The following CCDC191 variants were observed in gnomAD, a reference collection of about 807,000 sequenced individuals.
The protein encoded by CCDC191 is coiled-coil domain containing 191, also known as coiled-coil domain-containing protein 191.
CCDC191 carries 99 observed loss-of-function variants against 114.0 expected under a neutral mutation model. The observed-to-expected ratio is 0.87, with a 90% confidence interval of 0.74 to 1.03. The LOEUF (loss-of-function observed/expected upper bound fraction) is 1.03, where lower values mean the gene tolerates loss of function less well. Among genes scored for constraint, CCDC191 ranks in the 50% least tolerant of loss-of-function variants. The pLI is 0.00. For synonymous variants in CCDC191, 351 were observed against 376.0 expected (o/e 0.93, Z 0.77); for missense variants, 973 against 1,087.0 (o/e 0.90, Z 1.47).
At chr3:114,033,116 T>C (rs1234820459) in intron 6 of CCDC191, among the ~76,000 whole-genome samples, 2 of 151,742 alleles carry the variant, frequency 1.3e-5, no homozygotes. Context: ...CTGTTTGCGA[T>C]GGAGTCTCAC....
chr3:114,029,952 T>C (rs916451988), intron 7 of CCDC191, among the ~76,000 whole-genome samples: 4 of 152,198 alleles, frequency 2.6e-5, no homozygotes, highest in Non-Finnish European at 4.4e-5. Flanking sequence ...TGTGAAATTA[T>C]GGATTGAGTC....
intron 13 of CCDC191, among the ~76,000 whole-genome samples, chr3:113,987,096 AAAC>A (rs2075387526): frequency 6.6e-6 from 1 of 151,064 alleles, no homozygotes; most frequent in Non-Finnish European, 1.5e-5. Flanking sequence ...GCAAGCAAGA[AAAC>A]AATAGAGTAA....
At chr3:113,998,449 A>G (rs890457098) in intron 13 of CCDC191, among the ~76,000 whole-genome samples, 1 of 152,198 alleles carries the variant, frequency 6.6e-6, no homozygotes, top group Non-Finnish European at 1.5e-5. Flanking sequence ...TCAGTGGAAC[A>G]AACTGTGGAG....
chr3:114,005,686 C>G lies in CCDC191; in HGVS notation c.1690G>C (p.Glu564Gln). Residue 564 changes from glutamate (E) to glutamine (Q), a missense_variant, in exon 10 of 17, where the codon GAG becomes CAG. Glu to Gln is a conservative substitution (Grantham distance 29). Transcript: ENST00000295878. ...TCCTGAAGTTTCTTCTTTTGCTTCT[C>G]AATCAGCTGTTGCTGGAAGACATGG... ...NRHVFQQQLI[E>Q]KQKKKLQEQQ... The G allele has an allele frequency of 2.5e-6, 4 of 1,614,132 alleles. No homozygotes were observed. The highest frequency in any genetic ancestry group is 3.4e-6 in the Non-Finnish European group (4 of 1,180,002).
intron 8 of CCDC191, 85 bp from the exon 9 acceptor site, chr3:114,011,106 G>T: frequency 7.0e-7 from 1 of 1,432,234 alleles, no homozygotes; most frequent in Non-Finnish European, 9.4e-7. Context: ...AAGTCCAAAA[G>T]GGTTCTAGAA....
chr3:114,038,169 T>G (rs2076512156), intron 4 of CCDC191, among the ~76,000 whole-genome samples: 1 of 152,202 alleles, frequency 6.6e-6, no homozygotes, highest in African/African-American at 2.4e-5. Context: ...TAGAGGTAAC[T>G]CATTGTAGTT....
Position 114,001,638 on chromosome 3 carries a change from G to T in CCDC191, c.2120C>A (p.Ala707Glu), listed in dbSNP as rs751001031. 1.9e-6 allele frequency: 3 copies of T among 1,613,610 alleles called. No homozygotes were observed. Among genetic ancestry groups the T allele is most frequent in the Non-Finnish European group, 2.5e-6 (3 of 1,179,712 alleles). The stretch of plus-strand genomic sequence containing the variant: ...CTCTTCTCGTTTTCTTTCAAGCTGT[G>T]CCTCCTTTTCTTCTGCCTCCCTTTT... ...RQKREAEEKE[A>E]QLERKREEKR... The change falls in exon 13 of 17, where the codon GCA becomes GAA. Residue 707 changes from alanine to glutamate, a missense_variant. Transcript: ENST00000295878.
Position 114,011,570 on chromosome 3 carries a change from G to A in CCDC191, c.1164-549C>T, listed in dbSNP as rs72956675. 5.0e-3 allele frequency among the ~76,000 whole-genome samples: 764 copies of A among 152,324 alleles called. 4 individuals are homozygous for A. Among genetic ancestry groups the A allele is most frequent in the African/African-American group, 0.018 (739 of 41,562 alleles). The stretch of plus-strand genomic sequence containing the variant: ...TGGTCAGGGAAAGGACTGCTAAAGA[G>A]AAGGACTCATTTACCAAACCCTTGA... On this transcript the variant is annotated intron_variant, in intron 8 of 16. Transcript: ENST00000295878.
At chr3:114,040,845 GGCCTT>G (rs2076550209) in intron 4 of CCDC191, among the ~76,000 whole-genome samples, 1 of 151,976 alleles carries the variant, frequency 6.6e-6, no homozygotes, top group Non-Finnish European at 1.5e-5. Context: ...TTATGTAAAT[GGCCTT>G]TATCAAGTTG....
Position 114,046,698 on chromosome 3 carries a change from T to A in CCDC191, c.164A>T (p.Asn55Ile). 1 of 1,612,380 alleles carries A rather than the reference T, an allele frequency of 6.2e-7. No homozygotes were observed. The highest frequency in any genetic ancestry group is 8.5e-7 in the Non-Finnish European group (1 of 1,178,706). The change falls in exon 3 of 17, where the codon AAT becomes ATT. Residue 55 changes from asparagine to isoleucine, a missense_variant. Coordinates refer to ENST00000295878, the MANE Select transcript of CCDC191 (RefSeq NM_020817.2). ...ATCTGAATTTCTAGTAAAAAATGCA[T>A]TTGACACTGCAAACTCTGAGGCTTT... ...VEKASEFAVS[N>I]AFFTRNSDLP...
intron 1 of CCDC191, chr3:114,054,104 C>G (rs559620182): frequency 1.0e-3 from 157 of 152,524 alleles, no homozygotes; most frequent in Non-Finnish European, 1.7e-3. Context: ...CTCATCTTAC[C>G]CAGATCAGGG....
chr3:113,985,516 G>A (rs2075323500), intron 13 of CCDC191, among the ~76,000 whole-genome samples: 1 of 152,138 alleles, frequency 6.6e-6, no homozygotes, highest in Non-Finnish European at 1.5e-5. Context: ...CACTGGAGTG[G>A]GAACAGAAAT....
intron 16 of CCDC191, among the ~76,000 whole-genome samples, chr3:113,973,661 C>T (rs549574402): frequency 6.6e-6 from 1 of 151,210 alleles, no homozygotes; most frequent in African/African-American, 2.4e-5. Context: ...CTGGCCTATA[C>T]CGTTTCTGCT....
chr3:114,022,069 A>G (rs1019179129), intron 7 of CCDC191, among the ~76,000 whole-genome samples: 2 of 152,182 alleles, frequency 1.3e-5, no homozygotes, highest in Non-Finnish European at 2.9e-5. Context: ...ATCTATAATA[A>G]TTTCTAAAAT....
rs193114736 is a variant in CCDC191, at chr3:113,993,559, A to G, written c.2163+8036T>C. Among the ~76,000 whole-genome samples, 403 of 152,288 alleles carry G rather than the reference A, an allele frequency of 2.6e-3. 2 individuals are homozygous for G. The highest frequency in any genetic ancestry group is 8.3e-3 in the African/African-American group (347 of 41,566). On this transcript the variant is annotated intron_variant, in intron 13 of 16. Coordinates refer to ENST00000295878, the MANE Select transcript of CCDC191 (RefSeq NM_020817.2). ...AACGTCCATATAAAAAATAAATTAC[A>G]GCATACCTCACAACTTACATTAAAA...
chr3:114,012,051 T>A (rs2076079049), intron 8 of CCDC191, among the ~76,000 whole-genome samples: 1 of 152,200 alleles, frequency 6.6e-6, no homozygotes, highest in South Asian at 2.1e-4. Flanking sequence ...ACATACATAA[T>A]GCTTAAGTCT....
At chr3:113,976,368 T>C (rs1941348992) in intron 16 of CCDC191, among the ~76,000 whole-genome samples, 1 of 151,702 alleles carries the variant, frequency 6.6e-6, no homozygotes, top group Admixed American at 6.6e-5. Flanking sequence ...TGTTTTAGGG[T>C]CAAAAAACCT....
At chr3:113,999,083 G>C (rs1312321341) in intron 13 of CCDC191, among the ~76,000 whole-genome samples, 1 of 152,166 alleles carries the variant, frequency 6.6e-6, no homozygotes, top group African/African-American at 2.4e-5. Context: ...GTCCGTACAT[G>C]CTCTTAATCA....
chr3:113,991,892 T>A (rs2075578540), intron 13 of CCDC191, among the ~76,000 whole-genome samples: 1 of 151,752 alleles, frequency 6.6e-6, no homozygotes, highest in Non-Finnish European at 1.5e-5. Flanking sequence ...TATGAAAGTT[T>A]AAAAAAAACA....
Sources: gnomAD v4.1 joint callset for allele counts (sites outside exome capture counted in the v4.1 genomes callset) on GRCh38, gnomAD v4.1.1 for gene constraint, MANE v1.5 for transcripts, NCBI Gene and HGNC (gene_info 2026-07-23, HGNC 2026-07-21) for gene names.